Variants in RORA observed in about 807,000 individuals in gnomAD.
RORA encodes the protein RAR related orphan receptor A, also known as nuclear receptor ROR-alpha.
A neutral mutation model predicts 69.5 loss-of-function variants in RORA; 7 were observed. The ratio of observed to expected loss-of-function variants is 0.10; its 90% CI spans 0.06 to 0.19. The LOEUF is 0.19. Among genes scored for constraint, RORA ranks in the 10% least tolerant of loss-of-function variants. The pLI is 1.00. For synonymous variants in RORA, 261 were observed against 240.8 expected (o/e 1.08, Z -0.78); for missense variants, 457 against 663.0 (o/e 0.69, Z 3.41).
At chr15:60,844,742 G>A (rs546131085) in intron 1 of RORA, among the ~76,000 whole-genome samples, 8 of 152,176 alleles carry the variant, frequency 5.3e-5, no homozygotes, top group Non-Finnish European at 1.2e-4. Flanking sequence ...ACATGAAAAA[G>A]TAAGACTAAG....
intron 2 of RORA, among the ~76,000 whole-genome samples, chr15:60,570,575 C>A (rs1201631592): frequency 6.6e-6 from 1 of 152,068 alleles, no homozygotes; most frequent in Non-Finnish European, 1.5e-5. Context: ...GTCTTGAACT[C>A]CTGGGCTTAG....
chr15:60,506,941 C>G (rs1409760811), intron 5 of RORA, among the ~76,000 whole-genome samples: 1 of 150,564 alleles, frequency 6.6e-6, no homozygotes, highest in African/African-American at 2.4e-5. Context: ...GAGCCGAGAT[C>G]ACACCACTGC....
intron 1 of RORA, among the ~76,000 whole-genome samples, chr15:60,956,889 G>C (rs1480693762): frequency 6.6e-6 from 1 of 152,228 alleles, no homozygotes; most frequent in African/African-American, 2.4e-5. Context: ...CTCCGTGTGA[G>C]TCTTGGTCCC....
At chr15:61,134,824 T>C (rs1398143144) in intron 1 of RORA, among the ~76,000 whole-genome samples, 1 of 152,084 alleles carries the variant, frequency 6.6e-6, no homozygotes, top group Non-Finnish European at 1.5e-5. Flanking sequence ...GTGGGCAGTT[T>C]CCTTCTTCAG....
At chr15:60,538,841 A>G (rs979002912) in intron 2 of RORA, among the ~76,000 whole-genome samples, 2 of 152,162 alleles carry the variant, frequency 1.3e-5, no homozygotes, top group African/African-American at 4.8e-5. Flanking sequence ...TCTGACTCAA[A>G]TGAGTCTATC....
At chr15:60,881,859 A>G (rs1188524677) in intron 1 of RORA, among the ~76,000 whole-genome samples, 1 of 152,224 alleles carries the variant, frequency 6.6e-6, no homozygotes, top group Non-Finnish European at 1.5e-5. Flanking sequence ...AAACTGATGA[A>G]AAATAAAGAT....
intron 2 of RORA, among the ~76,000 whole-genome samples, chr15:60,582,690 C>A (rs569342613): frequency 6.6e-6 from 1 of 152,250 alleles, no homozygotes; most frequent in Non-Finnish European, 1.5e-5. Flanking sequence ...TTGAGCTCTA[C>A]ACCTTGGGAC....
At chr15:60,762,277 A>C (rs1260460408) in intron 1 of RORA, among the ~76,000 whole-genome samples, 1 of 152,342 alleles carries the variant, frequency 6.6e-6, no homozygotes, top group Admixed American at 6.5e-5. Context: ...GCAAGATAAC[A>C]TCTCTGGGAG....
intron 1 of RORA, among the ~76,000 whole-genome samples, chr15:61,105,336 C>A (rs140565298): frequency 6.6e-6 from 1 of 152,102 alleles, no homozygotes; most frequent in African/African-American, 2.4e-5. Context: ...TGTTCCAACA[C>A]GGAACATGAT....
At chr15:60,539,617 G>C (rs977531446) in intron 2 of RORA, among the ~76,000 whole-genome samples, 4 of 152,184 alleles carry the variant, frequency 2.6e-5, no homozygotes, top group African/African-American at 9.6e-5. Context: ...TGAACAGCAA[G>C]AGAATAAGCT....
At chr15:60,917,752 G>C (rs987795892) in intron 1 of RORA, among the ~76,000 whole-genome samples, 1 of 152,218 alleles carries the variant, frequency 6.6e-6, no homozygotes, top group African/African-American at 2.4e-5. Flanking sequence ...GTTTCTTTGC[G>C]TGTAATCCCT....
intron 4 of RORA, among the ~76,000 whole-genome samples, chr15:60,512,971 A>C (rs1466110140): frequency 6.6e-6 from 1 of 152,204 alleles, no homozygotes; most frequent in Non-Finnish European, 1.5e-5. Flanking sequence ...ATTGTGGTTA[A>C]ATTTATAGCT....
intron 1 of RORA, among the ~76,000 whole-genome samples, chr15:60,719,876 A>G (rs1345570788): frequency 6.6e-6 from 1 of 152,164 alleles, no homozygotes; most frequent in African/African-American, 2.4e-5. Flanking sequence ...TCACAGGTAA[A>G]CATGTTGTGT....
rs2066701217 is a variant in RORA, at chr15:60,537,016, G to A, written c.197-5165C>T. ...AAAGATTAAAAAGAAAAACCCTAAG[G>A]CATTTGATTTTATTTTCAGTAAAAT... On this transcript the variant is annotated intron_variant, in intron 2 of 10. Coordinates refer to ENST00000335670, the MANE Select transcript of RORA (RefSeq NM_134261.3). The surrounding 1 kb of genome is among the most constrained non-coding windows in gnomAD (Gnocchi z 4.9). Among the ~76,000 whole-genome samples, 1 of 152,136 alleles carries A rather than the reference G, an allele frequency of 6.6e-6. No homozygotes were observed. Among genetic ancestry groups the A allele is most frequent in the Non-Finnish European group, 1.5e-5 (1 of 68,024 alleles).
intron 1 of RORA, among the ~76,000 whole-genome samples, chr15:61,023,413 C>G (rs1247043610): frequency 1.3e-5 from 2 of 151,998 alleles, no homozygotes; most frequent in Non-Finnish European, 2.9e-5. Context: ...CCTGATAAAC[C>G]CATCAGATCT....
chr15:60,572,184 G>A (rs2067902698), intron 2 of RORA, among the ~76,000 whole-genome samples: 1 of 152,216 alleles, frequency 6.6e-6, no homozygotes, highest in Non-Finnish European at 1.5e-5. Context: ...AGCTTTAAAT[G>A]TAGAAAGCAG....
intron 1 of RORA, among the ~76,000 whole-genome samples, chr15:60,979,158 G>A (rs547526388): frequency 3.3e-5 from 5 of 150,916 alleles, no homozygotes; most frequent in African/African-American, 4.9e-5. Flanking sequence ...TAGAGACGGG[G>A]TTTCACCATG....
chr15:61,081,192 G>T (rs1159007072), intron 1 of RORA, among the ~76,000 whole-genome samples: 1 of 152,158 alleles, frequency 6.6e-6, no homozygotes, highest in Non-Finnish European at 1.5e-5. Flanking sequence ...GTTTTCTAAA[G>T]GCCTGAGGGC....
At chr15:60,725,260 A>T (rs1020256910) in intron 1 of RORA, among the ~76,000 whole-genome samples, 2 of 151,974 alleles carry the variant, frequency 1.3e-5, no homozygotes, top group African/African-American at 2.4e-5. Flanking sequence ...CCACTCTCAC[A>T]TGGGTCTTTC....
Sources: allele counts gnomAD v4.1 joint callset (sites outside exome capture counted in the v4.1 genomes callset), GRCh38; gene constraint gnomAD v4.1.1; non-coding constraint Gnocchi (gnomAD v3.1); transcripts MANE v1.5; gene names NCBI Gene and HGNC (gene_info 2026-07-23, HGNC 2026-07-21).